C2CD2: variants seen among roughly 807,000 people sequenced by gnomAD.
C2CD2 encodes the protein C2 calcium dependent domain containing 2.
Under a neutral mutation model 74.3 loss-of-function variants are expected in C2CD2, and 43 were observed. The ratio of observed to expected loss-of-function variants is 0.58; its 90% CI spans 0.45 to 0.75. The LOEUF (loss-of-function observed/expected upper bound fraction) is 0.75. Ranked by LOEUF, C2CD2 falls within the 30% of genes least tolerant of loss-of-function variation. The pLI, the probability that C2CD2 is intolerant of heterozygous loss-of-function variation, is 0.00. For synonymous variants in C2CD2, 422 were observed against 390.7 expected (o/e 1.08, Z -0.94); for missense variants, 801 against 916.3 (o/e 0.87, Z 1.63).
chr21:41,890,281 C>T (rs1241613507), intron 13 of C2CD2, among the ~76,000 whole-genome samples: 12 of 152,042 alleles, frequency 7.9e-5, no homozygotes, highest in South Asian at 2.1e-4. Context: ...TTGTGTGGTT[C>T]GATGTATCTG....
chr21:41,894,824 G>C lies in C2CD2; in HGVS notation c.1870+4229C>G, dbSNP rs1436504066. The C allele has an allele frequency of 2.0e-5, 9 of 456,672 alleles. No homozygotes were observed. The Admixed American group carries it at 2.1e-4, about 11-fold the overall frequency. 28.3% of individuals were successfully genotyped at this position (456,672 alleles called of 1,614,324 possible). On this transcript the variant is annotated intron_variant, in intron 13 of 13. Coordinates refer to ENST00000380486, the MANE Select transcript of C2CD2 (RefSeq NM_015500.2). ...CGATGCAGGGAGAACAGGGCCCCCA[G>C]ATTTGCCAGTGCACACTAAATAGCC...
In C2CD2 at chr21:41,889,058, T is replaced by G; in HGVS notation, c.*66A>C. 1 of 1,195,102 alleles carries G rather than the reference T, an allele frequency of 8.4e-7. No individual in the cohort carries two copies. Among genetic ancestry groups the G allele is most frequent in the Non-Finnish European group, 1.2e-6 (1 of 807,258 alleles). 74.0% of individuals were successfully genotyped at this position (1,195,102 alleles called of 1,614,324 possible). On this transcript the variant is annotated 3_prime_UTR_variant, in exon 14 of 14. Coordinates refer to ENST00000380486, the MANE Select transcript of C2CD2 (RefSeq NM_015500.2). ...CTGGACATCCGGCGGACACACTGGC[T>G]GCGTCCTGGTGAGGGTAGTTAACAT...
chr21:41,912,177 TA>T lies in C2CD2; in HGVS notation c.953+154del. On this transcript the variant is annotated intron_variant, in intron 7 of 13. Transcript: ENST00000380486. ...TTTACAACAAAACCCATGTTTGACC[TA>T]AAGCTACCTTTAAGATGCTTAAGAC... The T allele has an allele frequency of 3.6e-6, 2 of 557,250 alleles. 1 individual carries two copies. Among genetic ancestry groups the T allele is most frequent in the South Asian group, 4.7e-5 (2 of 42,316 alleles). The allele number at this position is 557,250 out of a possible 1,614,324, so 34.5% of individuals were successfully genotyped here.
intron 3 of C2CD2, 90 bp downstream of exon 3, chr21:41,921,882 T>C: frequency 1.3e-6 from 1 of 768,424 alleles, no homozygotes. Flanking sequence ...AACATGAACG[T>C]TACAGCCCTC....
At position 41,886,941 on chromosome 21, in the gene C2CD2, A is replaced by C. The variant is rs2064690957; in HGVS notation, c.*2183T>G. 1.3e-5 allele frequency: 2 copies of C among 152,232 alleles called. No individual in the cohort carries two copies. Among genetic ancestry groups the C allele is most frequent in the Admixed American group, 6.5e-5 (1 of 15,288 alleles). 9.4% of individuals were successfully genotyped at this position (152,232 alleles called of 1,614,324 possible). ...TTGCAGTAAGCTGCCATTGCACTCCAGCCTGGGCAACAGAGTGAAACTCCA... is the reference window on the plus strand; with the variant it reads ...TTGCAGTAAGCTGCCATTGCACTCCCGCCTGGGCAACAGAGTGAAACTCCA... On this transcript the variant is annotated 3_prime_UTR_variant, in exon 14 of 14. Transcript: ENST00000380486.
At chr21:41,901,949 G>C (rs1052951221) in intron 11 of C2CD2, among the ~76,000 whole-genome samples, 200 bp from the exon 12 acceptor site, 7 of 152,206 alleles carry the variant, frequency 4.6e-5, no homozygotes, top group African/African-American at 1.7e-4. Context: ...AAACCAGCTA[G>C]AGACCACAGG....
In C2CD2 at chr21:41,899,760, T is replaced by A. The variant is rs1158689607; in HGVS notation, c.1561-398A>T. Among the ~76,000 whole-genome samples, 1 of 152,180 alleles carries A rather than the reference T, an allele frequency of 6.6e-6. No individual in the cohort carries two copies. The highest frequency in any genetic ancestry group is 1.9e-4 in the East Asian group (1 of 5,194). On this transcript the variant is annotated intron_variant, in intron 12 of 13. Transcript: ENST00000380486. The surrounding 1 kb of genome is among the most constrained non-coding windows in gnomAD (Gnocchi z 4.4). Reference sequence around the variant, plus strand: ...GGTGTTTCGGGTTTAGCTGTCTTTGTTCCTACACGTTTATGTTACCTGCAA... The same window carrying A: ...GGTGTTTCGGGTTTAGCTGTCTTTGATCCTACACGTTTATGTTACCTGCAA...
In C2CD2 at chr21:41,944,887, C is replaced by A. The variant is rs371185671; in HGVS notation, c.280-2642G>T. On this transcript the variant is annotated intron_variant, in intron 1 of 13. Transcript: ENST00000380486. ...CAGATATTAAAACAGACTATAGAAA[C>A]CCCGTAATTAAAACTGTGTGGCTCT... 2.8e-4 allele frequency among the ~76,000 whole-genome samples: 42 copies of A among 152,318 alleles called. No individual in the cohort carries two copies. In the East Asian group the frequency reaches 6.7e-3, roughly 24 times the overall value.
In C2CD2 at chr21:41,888,915, T is replaced by C; in HGVS notation, c.*209A>G. The C allele has an allele frequency of 1.7e-6, 1 of 594,284 alleles. No homozygotes were observed. The highest frequency in any genetic ancestry group is 3.0e-6 in the Non-Finnish European group (1 of 334,088). 36.8% of individuals were successfully genotyped at this position (594,284 alleles called of 1,614,324 possible). Reference sequence around the variant, plus strand: ...CTGTCAAGTCTCATTTAGCATCTGGTGGCAAGTTGGGCTTTTTTGTCCTCT... The same window carrying C: ...CTGTCAAGTCTCATTTAGCATCTGGCGGCAAGTTGGGCTTTTTTGTCCTCT... On this transcript the variant is annotated 3_prime_UTR_variant, in exon 14 of 14. Transcript: ENST00000380486.
At chr21:41,900,322 T>C (rs1296481719) in intron 12 of C2CD2, among the ~76,000 whole-genome samples, 1 of 152,158 alleles carries the variant, frequency 6.6e-6, no homozygotes, top group African/African-American at 2.4e-5. Context: ...TGAGCACCAA[T>C]AAAAATAATC....
chr21:41,942,092 C>T (rs2065359157), intron 2 of C2CD2, 55 bp downstream of exon 2: 4 of 1,541,742 alleles, frequency 2.6e-6, no homozygotes, highest in Admixed American at 4.0e-5. Flanking sequence ...AGCAAACTCC[C>T]CGTCCCCGGC....
At position 41,895,063 on chromosome 21, in the gene C2CD2, C is replaced by T. The variant is rs1412466792; in HGVS notation, c.1870+3990G>A. ...ATTGTGTAGATGTGGATAACAACTC[C>T]AGCCAGTGGACTTTAAGGAAAGGAG... On this transcript the variant is annotated intron_variant, in intron 13 of 13. Transcript: ENST00000380486. The surrounding 1 kb of genome is among the most constrained non-coding windows in gnomAD (Gnocchi z 5.0). 1 of 419,846 alleles carries T rather than the reference C, an allele frequency of 2.4e-6. No individual in the cohort carries two copies. 26.0% of individuals were successfully genotyped at this position (419,846 alleles called of 1,614,324 possible). A position where few individuals can be genotyped will look rare whatever the true frequency, so the allele number is the denominator to read the frequency against.
At chr21:41,936,399 CA>C (rs1427230729) in intron 2 of C2CD2, among the ~76,000 whole-genome samples, 1 of 152,146 alleles carries the variant, frequency 6.6e-6, no homozygotes, top group African/African-American at 2.4e-5. Context: ...GATATCACGT[CA>C]AACCTGTGAG....
chr21:41,894,800 G>A (rs772550092), intron 13 of C2CD2: 1 of 456,636 alleles, frequency 2.2e-6, no homozygotes, highest in Admixed American at 2.3e-5. Flanking sequence ...TGGGGTAAAC[G>A]ATGCAGGGAG....
intron 5 of C2CD2, 45 bp from the exon 6 acceptor site, chr21:41,914,766 T>C (rs369517810): frequency 2.5e-5 from 40 of 1,586,376 alleles, no homozygotes; most frequent in Admixed American, 8.6e-5. Context: ...CATGGGGAGA[T>C]TGAGGGCCAA....
intron 2 of C2CD2, 29 bp from the exon 3 acceptor site, chr21:41,922,114 CTG>C: frequency 8.0e-6 from 11 of 1,372,110 alleles, no homozygotes; most frequent in Non-Finnish European, 1.0e-5. Flanking sequence ...AGGGAGAAAA[CTG>C]TATCCAAAAC....
At position 41,953,474 on chromosome 21, in the gene C2CD2, C is replaced by G; in HGVS notation, c.175G>C (p.Gly59Arg). ...AVEPGEGPRP[G>R]SDALLSWILT... ...ATCCAGGAGAGCAGCGCGTCGGACC[C>G]CGGGCGCGGCCCCTCTCCAGGCTCC... is the stretch of plus-strand genomic sequence containing the variant. The change falls in exon 1 of 14, where the codon GGG becomes CGG. Residue 59 changes from glycine (G) to arginine (R), a missense_variant. Physicochemically the swap from Gly to Arg is moderately radical, Grantham distance 125 (BLOSUM62 -2). Transcript: ENST00000380486. The G allele has an allele frequency of 6.7e-7, 1 of 1,483,764 alleles. No individual in the cohort carries two copies. The highest frequency in any genetic ancestry group is 9.0e-7 in the Non-Finnish European group (1 of 1,114,726). The allele number at this position is 1,483,764 out of a possible 1,614,324, so 91.9% of individuals were successfully genotyped here.
At chr21:41,941,738 A>G (rs922596438) in intron 2 of C2CD2, among the ~76,000 whole-genome samples, 1 of 152,130 alleles carries the variant, frequency 6.6e-6, no homozygotes, top group Non-Finnish European at 1.5e-5. Context: ...CCTTCAACCC[A>G]TCAGCAGTTA....
intron 7 of C2CD2, among the ~76,000 whole-genome samples, chr21:41,910,875 T>G (rs1450507741): frequency 6.6e-6 from 1 of 152,252 alleles, no homozygotes; most frequent in Non-Finnish European, 1.5e-5. Context: ...TAGCTTGGGT[T>G]GATTTTCTTG....
Sources: gnomAD v4.1 joint callset for allele counts (sites outside exome capture counted in the v4.1 genomes callset) on GRCh38, gnomAD v4.1.1 for gene constraint, Gnocchi (gnomAD v3.1) non-coding constraint, MANE v1.5 for transcripts, NCBI Gene and HGNC (gene_info 2026-07-23, HGNC 2026-07-21) for gene names.